Variants in RCBTB1 observed in about 807,000 individuals in gnomAD.
The protein encoded by RCBTB1 is RCC1 and BTB domain-containing protein 1.
A neutral mutation model predicts 62.4 loss-of-function variants in RCBTB1; 46 were observed. The ratio of observed to expected loss-of-function variants is 0.74; its 90% confidence interval spans 0.58 to 0.94. The LOEUF (loss-of-function observed/expected upper bound fraction) is 0.94, where lower values mean the gene tolerates loss of function less well. RCBTB1 is among the 40% of genes least tolerant of loss of function. RCBTB1 has a pLI of 0.00. For synonymous variants in RCBTB1, 222 were observed against 245.8 expected, an observed-to-expected ratio of 0.90 and a Z score of 0.91; for missense variants, 565 against 654.9, an observed-to-expected ratio of 0.86 and a Z score of 1.50.
At chr13:49,550,140 G>T (rs575153906) in intron 8 of RCBTB1, among the ~76,000 whole-genome samples, 1 of 151,986 alleles carries the variant, frequency 6.6e-6, no homozygotes, top group African/African-American at 2.4e-5. Context: ...CACCATACCC[G>T]GCTAAGTTTT....
chr13:49,535,358 T>C (rs1959857019), intron 12 of RCBTB1, among the ~76,000 whole-genome samples: 1 of 152,134 alleles, frequency 6.6e-6, no homozygotes, highest in African/African-American at 2.4e-5. Flanking sequence ...ATTTATTAAA[T>C]CGATTAGGCA....
At chr13:49,580,823 C>T (rs765688931) in intron 1 of RCBTB1, among the ~76,000 whole-genome samples, 43 of 152,160 alleles carry the variant, frequency 2.8e-4, no homozygotes, top group Non-Finnish European at 3.4e-4. Context: ...CAGAACCATA[C>T]ACTATTAATT....
intron 5 of RCBTB1, among the ~76,000 whole-genome samples, chr13:49,556,469 C>T (rs957151517): frequency 2.6e-5 from 4 of 152,118 alleles, no homozygotes; most frequent in African/African-American, 4.8e-5. Flanking sequence ...GGATTACAGG[C>T]GTGAGCCACC....
At position 49,533,958 on chromosome 13, in the gene RCBTB1, G is replaced by GTACACCCTTGTTATGTTCC. The variant is rs1276778010; in HGVS notation, c.*145_*163dup. 1 of 581,922 alleles carries GTACACCCTTGTTATGTTCC rather than the reference G, an allele frequency of 1.7e-6. No individual in the cohort carries two copies. The highest frequency in any genetic ancestry group is 2.9e-6 in the Non-Finnish European group (1 of 349,260). 36.0% of individuals were successfully genotyped at this position (581,922 alleles called of 1,614,324 possible). The stretch of plus-strand genomic sequence containing the variant: ...GTTTAAAATGGGCTCAAGAAAAGCC[G>GTACACCCTTGTTATGTTCC]TACACCCTTGTTATGTTCCTACACA... On this transcript the variant is annotated 3_prime_UTR_variant, in exon 13 of 13. Coordinates refer to ENST00000378302, the MANE Select transcript of RCBTB1 (RefSeq NM_018191.4).
intron 2 of RCBTB1, among the ~76,000 whole-genome samples, chr13:49,576,045 G>C (rs1963760832): frequency 6.6e-6 from 1 of 151,876 alleles, no homozygotes; most frequent in South Asian, 2.1e-4. Flanking sequence ...AAATTAGCCG[G>C]GTGTGGTGGC....
chr13:49,575,544 GTA>G (rs926656550), intron 2 of RCBTB1, among the ~76,000 whole-genome samples: 1 of 151,946 alleles, frequency 6.6e-6, no homozygotes, highest in African/African-American at 2.4e-5. Context: ...AGAAAATGTG[GTA>G]TATATACACC....
At chr13:49,541,646 G>T in intron 11 of RCBTB1, 30 bp downstream of exon 11, 1 of 1,580,632 alleles carries the variant, frequency 6.3e-7, no homozygotes, top group Non-Finnish European at 8.6e-7. Flanking sequence ...TCCACCATGC[G>T]GCTCGTCCAT....
At chr13:49,564,896 A>AG (rs1962797295) in intron 4 of RCBTB1, among the ~76,000 whole-genome samples, 2 of 146,340 alleles carry the variant, frequency 1.4e-5, no homozygotes, top group South Asian at 2.2e-4. Flanking sequence ...GTCTCAAAAA[A>AG]AAAAAGAAAG....
At chr13:49,582,793 G>A (rs1964180457) in intron 1 of RCBTB1, among the ~76,000 whole-genome samples, 1 of 149,178 alleles carries the variant, frequency 6.7e-6, no homozygotes, top group East Asian at 2.0e-4. Context: ...TTGGCATTTG[G>A]AGACCATTCT....
At chr13:49,582,743 C>T (rs1011362598) in intron 1 of RCBTB1, among the ~76,000 whole-genome samples, 2 of 152,174 alleles carry the variant, frequency 1.3e-5, no homozygotes, top group African/African-American at 4.8e-5. Context: ...TTGTATTATA[C>T]CCATCCTAGT....
intron 6 of RCBTB1, among the ~76,000 whole-genome samples, chr13:49,552,693 A>T (rs1456553679): frequency 6.6e-6 from 1 of 152,200 alleles, no homozygotes; most frequent in East Asian, 1.9e-4. Flanking sequence ...AAGGCGCTGC[A>T]GAACAGCAAG....
At chr13:49,563,648 G>A (rs1962658713) in intron 4 of RCBTB1, among the ~76,000 whole-genome samples, 1 of 145,992 alleles carries the variant, frequency 6.8e-6, no homozygotes, top group Non-Finnish European at 1.5e-5. Flanking sequence ...GATAGAGCGA[G>A]ACTGTCTCAA....
intron 5 of RCBTB1, among the ~76,000 whole-genome samples, chr13:49,558,820 G>A (rs896009398): frequency 2.6e-5 from 4 of 151,858 alleles, no homozygotes; most frequent in Non-Finnish European, 5.9e-5. Flanking sequence ...TTTGAACTGT[G>A]TGGCAGTAGG....
rs1451909242 is a variant in RCBTB1, at chr13:49,566,646, A to G, written c.249T>C (p.Ser83=). 6.2e-7 allele frequency: 1 copy of G among 1,613,924 alleles called. No homozygotes were observed. The highest frequency in any genetic ancestry group is 1.3e-5 in the African/African-American group (1 of 74,996). The change falls in exon 4 of 13, where the codon AGT becomes AGC. Residue 83 remains serine, a synonymous_variant. Transcript: ENST00000378302. ...CGGTGCTGAGAAGAACATGTGGTCC[A>G]CTCCCGTAACTGAGGCTTTTAATCT... ...GKKIKSLSYG[S]GPHVLLSTED... is the part of the protein sequence containing the mutation.
At chr13:49,582,639 C>CTCTCAT (rs1435376930) in intron 1 of RCBTB1, among the ~76,000 whole-genome samples, 1 of 152,222 alleles carries the variant, frequency 6.6e-6, no homozygotes, top group African/African-American at 2.4e-5. Context: ...CATACTCATT[C>CTCTCAT]TCTCATTCTC....
intron 12 of RCBTB1, among the ~76,000 whole-genome samples, chr13:49,535,563 G>A (rs1959874291): frequency 7.6e-6 from 1 of 132,090 alleles, no homozygotes; most frequent in African/African-American, 2.5e-5. Context: ...AGGTGGGAAT[G>A]TTAGACAGAG....
intron 5 of RCBTB1, among the ~76,000 whole-genome samples, chr13:49,559,602 G>A (rs1419592632): frequency 6.9e-6 from 1 of 144,408 alleles, no homozygotes; most frequent in African/African-American, 2.6e-5. Context: ...CTTGCAGTGA[G>A]CAGAGATCGT....
At chr13:49,535,795 C>T (rs1285282162) in intron 12 of RCBTB1, among the ~76,000 whole-genome samples, 3 of 152,018 alleles carry the variant, frequency 2.0e-5, no homozygotes, top group Non-Finnish European at 2.9e-5. Context: ...GAGGCTGATG[C>T]GGGCAGATCA....
At chr13:49,570,663 T>C (rs754722945) in intron 2 of RCBTB1, among the ~76,000 whole-genome samples, 4 of 152,212 alleles carry the variant, frequency 2.6e-5, no homozygotes, top group Non-Finnish European at 5.9e-5. Context: ...GGCAGTAATA[T>C]TGGCCAAGCA....
Sources: gnomAD v4.1 joint callset for allele counts (sites outside exome capture counted in the v4.1 genomes callset) on GRCh38, gnomAD v4.1.1 for gene constraint, MANE v1.5 for transcripts, NCBI Gene and HGNC (gene_info 2026-07-23, HGNC 2026-07-21) for gene names.